The following DEGS1 variants were observed in gnomAD, a reference collection of about 807,000 sequenced individuals.
DEGS1 encodes sphingolipid delta(4)-desaturase DES1.
Under a neutral mutation model 24.1 loss-of-function variants are expected in DEGS1, and 17 were observed. That is an observed-to-expected ratio of 0.70 (90% CI 0.48 to 1.06). DEGS1 has a LOEUF of 1.06. Ranked by LOEUF, DEGS1 falls within the 50% of genes least tolerant of loss-of-function variation. DEGS1 has a pLI of 0.00. For synonymous variants in DEGS1, 134 were observed against 140.0 expected (o/e 0.96, Z 0.30); for missense variants, 366 against 408.9 (o/e 0.90, Z 0.91).
At position 224,189,572 on chromosome 1, in the gene DEGS1, T is replaced by C. The variant is rs1658479055; in HGVS notation, c.83-5T>C. 11 of 1,557,622 alleles carry C rather than the reference T, an allele frequency of 7.1e-6. No individual in the cohort carries two copies. Among genetic ancestry groups the C allele is most frequent in the Non-Finnish European group, 8.6e-6 (10 of 1,156,180 alleles). On this transcript the variant is annotated splice_region_variant and splice_polypyrimidine_tract_variant and intron_variant, in intron 1 of 2. Transcript: ENST00000323699. ...AGTTCCTGTTTTTTTGTTTTTTCTT[T>C]ACAGCAAAGTATCCAGAGATAAAGT...
chr1:224,191,664 G>A (rs1161886896), intron 2 of DEGS1, among the ~76,000 whole-genome samples: 20 of 137,414 alleles, frequency 1.5e-4, no homozygotes, highest in African/African-American at 5.6e-4. Flanking sequence ...GCACAATCTC[G>A]GCTCACTGCA....
rs373018600 is a variant in DEGS1 at position 224,183,686 on chromosome 1, C to T, written c.82+268C>T. The stretch of plus-strand genomic sequence containing the variant: ...CAGGCGCGTCCCCGAGCGCGGGAGT[C>T]CCCGCCAGGCCCACGCCGGCCGGTT... On this transcript the variant is annotated intron_variant, in intron 1 of 2. Coordinates refer to ENST00000323699, the MANE Select transcript of DEGS1 (RefSeq NM_003676.4). 1.5e-3 allele frequency: 427 copies of T among 294,178 alleles called. 6 individuals carry two copies. Among genetic ancestry groups the T allele is most frequent in the East Asian group, 0.011 (193 of 17,750 alleles). The allele number at this position is 294,178 out of a possible 1,614,324, so 18.2% of individuals were successfully genotyped here.
intron 1 of DEGS1, among the ~76,000 whole-genome samples, chr1:224,186,523 C>A (rs535361911): frequency 6.6e-6 from 1 of 152,006 alleles, no homozygotes; most frequent in African/African-American, 2.4e-5. Context: ...ACCATCCTGG[C>A]TAACACGGTG....
rs1015281308 is a variant in DEGS1, at chr1:224,183,268, C to T, written c.-69C>T. The T allele has an allele frequency of 4.3e-6, 6 of 1,384,830 alleles. No homozygotes were observed. The highest frequency in any genetic ancestry group is 3.0e-5 in the African/African-American group (2 of 66,020). The allele number at this position is 1,384,830 out of a possible 1,614,324, so 85.8% of individuals were successfully genotyped here. A position where few individuals can be genotyped will look rare whatever the true frequency, so the allele number is the denominator to read the frequency against. ...ACACCAGCCGGGGAGCCGCCGCCGC[C>T]GCCGCCACCTCTGAGCAGCCGGCTG... On this transcript the variant is annotated 5_prime_UTR_variant, in exon 1 of 3. Transcript: ENST00000323699.
chr1:224,186,163 C>T (rs113635144), intron 1 of DEGS1, among the ~76,000 whole-genome samples: 1,856 of 151,918 alleles, frequency 0.012, 37 homozygotes, highest in African/African-American at 0.042. Flanking sequence ...ATTTAATTAG[C>T]GGGACATGGT....
In DEGS1 at chr1:224,193,316, T is replaced by C. The variant is rs1658594411; in HGVS notation, c.*838T>C. ...CATAAAAGATTGAGATGAAAATATA[T>C]TTCCCTGTAAGCTGAATTACTCATT... On this transcript the variant is annotated 3_prime_UTR_variant, in exon 3 of 3. Coordinates refer to ENST00000323699, the MANE Select transcript of DEGS1 (RefSeq NM_003676.4). The C allele has an allele frequency of 6.6e-6, 1 of 152,194 alleles. No individual in the cohort carries two copies. Among genetic ancestry groups the C allele is most frequent in the African/African-American group, 2.4e-5 (1 of 41,448 alleles). 9.4% of individuals were successfully genotyped at this position (152,194 alleles called of 1,614,324 possible).
rs1220283529 is a variant in DEGS1 at position 224,193,069 on chromosome 1, TAAATA to T, written c.*592_*596del. ...AGCAAGACCCCATCTCAAAAATAAA[TAAATA>T]TATATAAAAAATAAAAAGCTATTTC... is the stretch of plus-strand genomic sequence containing the variant. On this transcript the variant is annotated 3_prime_UTR_variant, in exon 3 of 3. Transcript: ENST00000323699. 1 of 151,988 alleles carries T rather than the reference TAAATA, an allele frequency of 6.6e-6. No individual in the cohort carries two copies. Among genetic ancestry groups the T allele is most frequent in the East Asian group, 1.9e-4 (1 of 5,192 alleles). 9.4% of individuals were successfully genotyped at this position (151,988 alleles called of 1,614,324 possible).
In DEGS1 at chr1:224,192,231, A is replaced by T. The variant is rs1658556384; in HGVS notation, c.826-101A>T. Reference sequence around the variant, plus strand: ...AAGAGAGAGGAGGGAGGCAGGTCTCATGGTTTCCCTTCTCAGTGTTTGTGT... The same window carrying T: ...AAGAGAGAGGAGGGAGGCAGGTCTCTTGGTTTCCCTTCTCAGTGTTTGTGT... On this transcript the variant is annotated intron_variant, in intron 2 of 2. Coordinates refer to ENST00000323699, the MANE Select transcript of DEGS1 (RefSeq NM_003676.4). 1.9e-5 allele frequency: 19 copies of T among 1,015,930 alleles called. No homozygotes were observed. The East Asian group carries it at 5.0e-4, about 26-fold the overall frequency. The allele number at this position is 1,015,930 out of a possible 1,614,324, so 62.9% of individuals were successfully genotyped here. A position where few individuals can be genotyped will look rare whatever the true frequency, so the allele number is the denominator to read the frequency against.
intron 2 of DEGS1, among the ~76,000 whole-genome samples, chr1:224,191,929 C>T (rs1658546374): frequency 6.6e-6 from 1 of 152,034 alleles, no homozygotes. Context: ...TAGCATGCCA[C>T]AATTTATTAG....
At position 224,189,679 on chromosome 1, in the gene DEGS1, A is replaced by G. The variant is rs766489834; in HGVS notation, c.185A>G (p.Lys62Arg). The change falls in exon 2 of 3, where the codon AAA becomes AGA. Residue 62 changes from lysine to arginine, a missense_variant. Lys to Arg is a conservative substitution (Grantham distance 26). Coordinates refer to ENST00000323699, the MANE Select transcript of DEGS1 (RefSeq NM_003676.4). Reference protein sequence around the residue: ...LTQLGAFYIVKDLDWKWVIFG... With the variant: ...LTQLGAFYIVRDLDWKWVIFG... ...CAGTTGGGTGCATTTTACATAGTAA[A>G]AGACTTGGACTGGAAATGGGTCATA... is the stretch of plus-strand genomic sequence containing the variant. 3.7e-6 allele frequency: 6 copies of G among 1,614,180 alleles called. No individual in the cohort carries two copies. In the South Asian group the frequency reaches 6.6e-5, roughly 18 times the overall value.
Position 224,189,856 on chromosome 1 carries a change from C to G in DEGS1, c.362C>G (p.Ser121Ter). 6.2e-7 allele frequency: 1 copy of G among 1,614,172 alleles called. No homozygotes were observed. The highest frequency in any genetic ancestry group is 1.3e-5 in the African/African-American group (1 of 75,040). ...AATCTTCCTATTGGGATTCCATATT[C>G]AATTTCCTTTAAGAGGTATCACATG... Reference protein sequence around the residue: ...FANLPIGIPYSISFKRYHMDH... With the variant: ...FANLPIGIPY Residue 121 changes from serine to a stop codon, truncating the protein, a stop_gained, in exon 2 of 3, where the codon TCA becomes TGA. Transcript: ENST00000323699. LOFTEE classifies it high-confidence loss of function.
At chr1:224,191,176 T>G (rs1165050565) in intron 2 of DEGS1, 1 of 152,010 alleles carries the variant, frequency 6.6e-6, no homozygotes, top group Non-Finnish European at 1.5e-5. Context: ...TCATCTGAGG[T>G]CAGGAGTTCG....
chr1:224,185,764 G>A (rs776569966), intron 1 of DEGS1, among the ~76,000 whole-genome samples: 9 of 152,146 alleles, frequency 5.9e-5, no homozygotes, highest in Middle Eastern at 6.3e-3. Flanking sequence ...AAAGTCCTGG[G>A]ATTACAGGCG....
In DEGS1 at chr1:224,190,022, C is replaced by G; in HGVS notation, c.528C>G (p.Phe176Leu). ...QPLFYAFRPL[F>L]INPKPITYLE... ...TCTTTTATGCCTTTCGACCTCTGTT[C>G]ATCAACCCCAAACCAATTACGTATC... The change falls in exon 2 of 3, where the codon TTC becomes TTG. Residue 176 changes from phenylalanine (F) to leucine (L), a missense_variant. By Grantham distance (22) the Phe-to-Leu change is conservative. Transcript: ENST00000323699. 5 of 1,614,144 alleles carry G rather than the reference C, an allele frequency of 3.1e-6. No individual in the cohort carries two copies. Among genetic ancestry groups the G allele is most frequent in the Non-Finnish European group, 4.2e-6 (5 of 1,180,034 alleles).
intron 1 of DEGS1, among the ~76,000 whole-genome samples, chr1:224,187,418 A>G (rs919578603): frequency 2.0e-5 from 3 of 152,188 alleles, no homozygotes; most frequent in Non-Finnish European, 4.4e-5. Flanking sequence ...TGTGTTGCCC[A>G]GGCTGGAGTG....
intron 1 of DEGS1, among the ~76,000 whole-genome samples, chr1:224,185,351 A>T (rs1387883135): frequency 1.3e-5 from 2 of 152,022 alleles, no homozygotes; most frequent in Admixed American, 6.6e-5. Flanking sequence ...ACTCCATTAG[A>T]GAAAGGGTCT....
At chr1:224,192,305 C>T in intron 2 of DEGS1, 27 bp from the exon 3 acceptor site, 3 of 1,592,480 alleles carry the variant, frequency 1.9e-6, no homozygotes, top group South Asian at 1.1e-5. Flanking sequence ...ACTCATTTTT[C>T]ATCTTGCTGT....
At chr1:224,189,463 A>G in intron 1 of DEGS1, 114 bp from the exon 2 acceptor site, 1 of 759,536 alleles carries the variant, frequency 1.3e-6, no homozygotes, top group Non-Finnish European at 2.0e-6. Flanking sequence ...AGTAAAGGGA[A>G]TATGATTTAC....
In DEGS1 at chr1:224,192,350, G is replaced by A. The variant is rs1658559741; in HGVS notation, c.844G>A (p.Glu282Lys). Residue 282 changes from glutamate (E) to lysine (K), a missense_variant, in exon 3 of 3, where the codon GAA becomes AAA. By Grantham distance (56) the Glu-to-Lys change is moderately conservative. Coordinates refer to ENST00000323699, the MANE Select transcript of DEGS1 (RefSeq NM_003676.4). ...CTTCTAGGTGAGGAAAATAGCAGCT[G>A]AATACTATGACAACCTCCCTCACTA... ...SLPLVRKIAA[E>K]YYDNLPHYNS... The A allele has an allele frequency of 1.2e-6, 2 of 1,612,456 alleles. No homozygotes were observed. Among genetic ancestry groups the A allele is most frequent in the South Asian group, 2.2e-5 (2 of 90,530 alleles).
Sources: allele counts gnomAD v4.1 joint callset (sites outside exome capture counted in the v4.1 genomes callset), GRCh38; gene constraint gnomAD v4.1.1; transcripts MANE v1.5; gene names NCBI Gene and HGNC (gene_info 2026-07-23, HGNC 2026-07-21).